DLGAP2: variants seen among roughly 807,000 people sequenced by gnomAD.
The protein encoded by DLGAP2 is disks large-associated protein 2.
DLGAP2 carries 26 observed loss-of-function variants against 100.3 expected under a neutral mutation model. That is an observed-to-expected ratio of 0.26 (90% CI 0.19 to 0.36). The LOEUF (loss-of-function observed/expected upper bound fraction) is 0.36, where lower values mean the gene tolerates loss of function less well. Ranked by LOEUF, DLGAP2 falls within the 10% of genes least tolerant of loss-of-function variation. DLGAP2 has a pLI of 1.00. For missense variants in DLGAP2, 1,858 were observed against 1,453.2 expected (o/e 1.28, Z -4.53); for synonymous variants, 886 against 630.1 (o/e 1.41, Z -6.08).
At chr8:1,489,137 G>A (rs141107708) in intron 3 of DLGAP2, among the ~76,000 whole-genome samples, 18 of 152,342 alleles carry the variant, frequency 1.2e-4, no homozygotes, top group African/African-American at 4.1e-4. Context: ...GTCCTCCTCT[G>A]TGTTACCTGT....
intron 2 of DLGAP2, among the ~76,000 whole-genome samples, chr8:1,217,440 G>T (rs368474478): frequency 1.4e-4 from 21 of 152,224 alleles, no homozygotes; most frequent in African/African-American, 3.9e-4. Context: ...GTGTCTTTTG[G>T]TAGAATGATT....
intron 1 of DLGAP2, among the ~76,000 whole-genome samples, chr8:873,128 T>A (rs1797629898): frequency 6.6e-6 from 1 of 152,336 alleles, no homozygotes; most frequent in African/African-American, 2.4e-5. Flanking sequence ...TAAAACTTAA[T>A]ATAGTGTAAA....
intron 2 of DLGAP2, among the ~76,000 whole-genome samples, chr8:1,206,751 G>A (rs1798004466): frequency 1.3e-5 from 2 of 152,148 alleles, no homozygotes. Context: ...CTGGTCTTCC[G>A]GGCCCTGCCT....
chr8:1,527,671 C>G (rs1233861331), intron 4 of DLGAP2, among the ~76,000 whole-genome samples: 1 of 152,162 alleles, frequency 6.6e-6, no homozygotes, highest in Non-Finnish European at 1.5e-5. Context: ...CGGAAATATT[C>G]AGAATGTAAA....
chr8:1,099,859 C>G (rs1804518266), intron 2 of DLGAP2, among the ~76,000 whole-genome samples: 1 of 152,198 alleles, frequency 6.6e-6, no homozygotes, highest in Non-Finnish European at 1.5e-5. Flanking sequence ...GACATGCATT[C>G]AAAATCCTCA....
intron 6 of DLGAP2, among the ~76,000 whole-genome samples, chr8:1,590,712 TTC>T (rs1454689335): frequency 6.6e-6 from 1 of 152,218 alleles, no homozygotes; most frequent in Admixed American, 6.5e-5. Flanking sequence ...CAAAATCTTG[TTC>T]TGTCCTATTC....
chr8:1,454,708 GC>G (rs773426665), intron 3 of DLGAP2, among the ~76,000 whole-genome samples: 21 of 152,144 alleles, frequency 1.4e-4, no homozygotes, highest in Admixed American at 6.5e-5. Context: ...CAGCTTGAGG[GC>G]TGAGATATCT....
At chr8:1,464,102 C>A (rs1798538128) in intron 3 of DLGAP2, among the ~76,000 whole-genome samples, 1 of 152,248 alleles carries the variant, frequency 6.6e-6, no homozygotes, top group South Asian at 2.1e-4. Context: ...AGCTGAGCTC[C>A]CAGGCAAGTC....
At chr8:1,167,121 T>C (rs1188654972) in intron 2 of DLGAP2, among the ~76,000 whole-genome samples, 1 of 151,812 alleles carries the variant, frequency 6.6e-6, no homozygotes, top group Non-Finnish European at 1.5e-5. Context: ...GGGCAACTGA[T>C]CAAGGCACTG....
intron 1 of DLGAP2, among the ~76,000 whole-genome samples, chr8:819,502 T>C (rs989368435): frequency 2.0e-5 from 3 of 152,180 alleles, no homozygotes; most frequent in Non-Finnish European, 2.9e-5. Context: ...TCTACTATCT[T>C]GGGAAAATAT....
At chr8:1,303,530 G>A (rs943459932) in intron 3 of DLGAP2, among the ~76,000 whole-genome samples, 3 of 152,128 alleles carry the variant, frequency 2.0e-5, no homozygotes, top group African/African-American at 4.8e-5. Flanking sequence ...TGGGCTGTGC[G>A]CTGCGCTGGT....
intron 3 of DLGAP2, among the ~76,000 whole-genome samples, chr8:1,294,984 A>G (rs544660161): frequency 7.2e-5 from 11 of 152,224 alleles, no homozygotes; most frequent in African/African-American, 2.4e-4. Flanking sequence ...TTTAAACTTC[A>G]CTTGAGGAAA....
chr8:1,165,479 G>A (rs1306616609), intron 2 of DLGAP2, among the ~76,000 whole-genome samples: 1 of 152,156 alleles, frequency 6.6e-6, no homozygotes, highest in African/African-American at 2.4e-5. Flanking sequence ...TGGTGCAAAG[G>A]GCATCGCACT....
chr8:1,454,355 G>A (rs1228854210), intron 3 of DLGAP2, among the ~76,000 whole-genome samples: 1 of 145,572 alleles, frequency 6.9e-6, no homozygotes, highest in African/African-American at 2.5e-5. Flanking sequence ...CCTCTGTAAC[G>A]TTTTTTTTTT....
chr8:1,181,965 A>G lies in DLGAP2; in HGVS notation c.74-76886A>G, dbSNP rs552261882. 2.6e-5 allele frequency among the ~76,000 whole-genome samples: 4 copies of G among 152,364 alleles called. No homozygotes were observed. The East Asian group carries it at 5.8e-4, about 22-fold the overall frequency. ...AATAACATTTTAGGTGAACATAGAT[A>G]CAGCAGATAGTTGAGGCAGAAGGTG... On this transcript the variant is annotated intron_variant, in intron 2 of 14. Coordinates refer to ENST00000637795, the MANE Select transcript of DLGAP2 (RefSeq NM_001346810.2).
intron 2 of DLGAP2, among the ~76,000 whole-genome samples, chr8:1,111,969 G>A (rs755072180): frequency 1.3e-5 from 2 of 151,928 alleles, no homozygotes; most frequent in Non-Finnish European, 2.9e-5. Flanking sequence ...GTAACTCTTT[G>A]AGGAATCACC....
Position 1,703,299 on chromosome 8 carries a change from C to CAA in DLGAP2, c.*1905_*1906dup, listed in dbSNP as rs5888852. The CAA allele has an allele frequency of 0.02, 2,905 of 143,600 alleles. 74 individuals are homozygous for CAA. The highest frequency in any genetic ancestry group is 0.063 in the African/African-American group (2,480 of 39,130). 8.9% of individuals were successfully genotyped at this position (143,600 alleles called of 1,614,324 possible). On this transcript the variant is annotated 3_prime_UTR_variant, in exon 15 of 15. Coordinates refer to ENST00000637795, the MANE Select transcript of DLGAP2 (RefSeq NM_001346810.2). ...TACGAATGTATCTCCTTGAAAAATGCAAAAAAAAAAAAATCCCTGAAATAT... is the reference window on the plus strand; with the variant it reads ...TACGAATGTATCTCCTTGAAAAATGCAAAAAAAAAAAAAAATCCCTGAAATAT...
At chr8:887,300 A>G (rs1170135931) in intron 1 of DLGAP2, among the ~76,000 whole-genome samples, 1 of 152,074 alleles carries the variant, frequency 6.6e-6, no homozygotes, top group East Asian at 1.9e-4. Flanking sequence ...AATACAGCAC[A>G]CTGATGGGTC....
chr8:751,861 C>T (rs11137089), intron 1 of DLGAP2, among the ~76,000 whole-genome samples: 90,514 of 146,150 alleles, frequency 0.62, 27,839 homozygotes, highest in African/African-American at 0.66. Flanking sequence ...GTTCATCTGA[C>T]ACTTCATAGT....
Sources: allele counts gnomAD v4.1 joint callset (sites outside exome capture counted in the v4.1 genomes callset), GRCh38; gene constraint gnomAD v4.1.1; transcripts MANE v1.5; gene names NCBI Gene and HGNC (gene_info 2026-07-23, HGNC 2026-07-21).